The following MYBBP1A variants were observed in gnomAD, a reference collection of about 807,000 sequenced individuals.
MYBBP1A encodes myb-binding protein 1A.
MYBBP1A carries 147 observed loss-of-function variants against 136.3 expected under a neutral mutation model. The observed-to-expected ratio is 1.08, with a 90% CI of 0.94 to 1.24. The LOEUF (loss-of-function observed/expected upper bound fraction) is 1.24, where lower values mean the gene tolerates loss of function less well. MYBBP1A is among the 50% of genes most tolerant of loss of function. MYBBP1A has a pLI of 0.00. For synonymous variants in MYBBP1A, 947 were observed against 735.8 expected (o/e 1.29, Z -4.65); for missense variants, 2,060 against 1,727.4 (o/e 1.19, Z -3.41).
intron 13 of MYBBP1A, 122 bp from the exon 14 acceptor site, chr17:4,546,064 C>CAGGG: frequency 2.4e-6 from 2 of 830,120 alleles, no homozygotes; most frequent in Non-Finnish European, 3.8e-6. Context: ...AGCCACTGGC[C>CAGGG]CGCCCTGGCC....
At chr17:4,553,461 C>T (rs1776384276) in intron 5 of MYBBP1A, among the ~76,000 whole-genome samples, 1 of 152,236 alleles carries the variant, frequency 6.6e-6, no homozygotes, top group Non-Finnish European at 1.5e-5. Context: ...CCACACAGGG[C>T]TGCTGAGCGC....
intron 24 of MYBBP1A, among the ~76,000 whole-genome samples, chr17:4,540,804 A>C (rs1906343349): frequency 6.6e-6 from 1 of 151,944 alleles, no homozygotes; most frequent in Non-Finnish European, 1.5e-5. Flanking sequence ...CGGGGCTGCC[A>C]AAGCGCTTCC....
chr17:4,540,536 C>T (rs773699611), intron 24 of MYBBP1A, 52 bp from the exon 25 acceptor site: 25 of 1,520,650 alleles, frequency 1.6e-5, no homozygotes, highest in African/African-American at 6.8e-5. Flanking sequence ...CGGGGCCTCT[C>T]GCGGGCTCCC....
rs1906078513 is a variant in MYBBP1A, at chr17:4,539,084, G to A, written c.*331C>T. ...AAAAAAGCCTGGGGGCAAAGAGGTG[G>A]CAGGCACGAGAGATGGTCACACCTG... On this transcript the variant is annotated 3_prime_UTR_variant, in exon 26 of 26. Coordinates refer to ENST00000254718, the MANE Select transcript of MYBBP1A (RefSeq NM_014520.4). 3 of 1,432,752 alleles carry A rather than the reference G, an allele frequency of 2.1e-6. No individual in the cohort carries two copies. In the Admixed American group the frequency reaches 5.4e-5, roughly 26 times the overall value. 88.8% of individuals were successfully genotyped at this position (1,432,752 alleles called of 1,614,324 possible).
intron 20 of MYBBP1A, 64 bp downstream of exon 20, chr17:4,542,849 G>T: frequency 6.2e-7 from 1 of 1,604,940 alleles, no homozygotes; most frequent in Non-Finnish European, 8.5e-7. Context: ...CCCTGGGGAA[G>T]TCCCGGCCTC....
rs1267909328 is a variant in MYBBP1A at position 4,549,417 on chromosome 17, TCAGCCGGAACA to T, written c.1334_1344del (p.Val445GlufsTer25). Reference sequence around the variant, plus strand: ...ACCAATCGAAAGATGATCCATTTCCTCAGCCGGAACACAGCTCGCTCAGGCCTAGCGGGGCA... The same window carrying T: ...ACCAATCGAAAGATGATCCATTTCCTCAGCTCGCTCAGGCCTAGCGGGGCA... On this transcript the variant is annotated frameshift_variant, in exon 10 of 26. Transcript: ENST00000254718. LOFTEE classifies it high-confidence loss of function. The T allele has an allele frequency of 1.9e-6, 3 of 1,613,140 alleles. No individual in the cohort carries two copies. The South Asian group carries it at 3.3e-5, about 18-fold the overall frequency.
chr17:4,546,876 T>C (rs1172794901), intron 13 of MYBBP1A, among the ~76,000 whole-genome samples: 1 of 151,424 alleles, frequency 6.6e-6, no homozygotes, highest in Non-Finnish European at 1.5e-5. Context: ...CCAGGCTGTG[T>C]GCCCAAGCAG....
intron 3 of MYBBP1A, 37 bp downstream of exon 3, chr17:4,554,158 C>A: frequency 1.2e-6 from 2 of 1,612,490 alleles, no homozygotes; most frequent in Non-Finnish European, 1.7e-6. Context: ...AAGCCTCCCA[C>A]CCCTGGGGCT....
At chr17:4,553,113 T>C (rs1907683013) in intron 5 of MYBBP1A, among the ~76,000 whole-genome samples, 1 of 152,188 alleles carries the variant, frequency 6.6e-6, no homozygotes, top group Non-Finnish European at 1.5e-5. Flanking sequence ...TGAGCCACCA[T>C]GCCCGGTCAA....
At chr17:4,544,362 C>T (rs1009127695) in intron 19 of MYBBP1A, 127 bp downstream of exon 19, 62 of 1,268,000 alleles carry the variant, frequency 4.9e-5, no homozygotes, top group Non-Finnish European at 5.9e-5. Context: ...AGTGAGCCTG[C>T]GAGCTAGGGG....
chr17:4,539,344 T>TTAAAAA lies in MYBBP1A; in HGVS notation c.*70_*71insTTTTTA, dbSNP rs1175919027. 2.9e-6 allele frequency: 4 copies of TTAAAAA among 1,401,720 alleles called. No individual in the cohort carries two copies. Among genetic ancestry groups the TTAAAAA allele is most frequent in the Non-Finnish European group, 3.8e-6 (4 of 1,065,146 alleles). 86.8% of individuals were successfully genotyped at this position (1,401,720 alleles called of 1,614,324 possible). A position where few individuals can be genotyped will look rare whatever the true frequency, so the allele number is the denominator to read the frequency against. On this transcript the variant is annotated 3_prime_UTR_variant, in exon 26 of 26. Transcript: ENST00000254718. ...CAGCTTGCGTATTAAAATCATGGTTTAAAAAAAAAAAAAAAAAATAGGCGT... is the reference window on the plus strand; with the variant it reads ...CAGCTTGCGTATTAAAATCATGGTTTTAAAAAAAAAAAAAAAAAAAAAAATAGGCGT...
intron 15 of MYBBP1A, 127 bp from the exon 16 acceptor site, chr17:4,545,472 G>C: frequency 6.7e-7 from 1 of 1,499,302 alleles, no homozygotes; most frequent in Admixed American, 2.1e-5. Flanking sequence ...GGCCAGGCCA[G>C]GCCAAGGCCT....
At chr17:4,540,553 C>T (rs2144417137) in intron 24 of MYBBP1A, 69 bp from the exon 25 acceptor site, 1 of 1,468,672 alleles carries the variant, frequency 6.8e-7, no homozygotes. Flanking sequence ...TCCCAGTCTT[C>T]CCACCTCTGC....
At chr17:4,544,726 G>T (rs370627191) in intron 18 of MYBBP1A, 25 bp downstream of exon 18, 1 of 1,514,810 alleles carries the variant, frequency 6.6e-7, no homozygotes, top group Non-Finnish European at 8.9e-7. Context: ...AGGCGGGGGT[G>T]GGTGCGGCCC....
At chr17:4,549,072 G>A (rs888285825) in intron 10 of MYBBP1A, among the ~76,000 whole-genome samples, 2 of 152,208 alleles carry the variant, frequency 1.3e-5, no homozygotes, top group African/African-American at 4.8e-5. Context: ...AGGCTTCCCT[G>A]ACACCTCCCA....
chr17:4,551,182 C>T (rs994720347), intron 8 of MYBBP1A, among the ~76,000 whole-genome samples: 7 of 152,230 alleles, frequency 4.6e-5, no homozygotes, highest in African/African-American at 1.7e-4. Context: ...CAAGTCTCCC[C>T]CTCACCCAGA....
chr17:4,554,367 A>G (rs1325607029), intron 2 of MYBBP1A, 89 bp from the exon 3 acceptor site: 20 of 1,154,424 alleles, frequency 1.7e-5, no homozygotes, highest in South Asian at 2.8e-5. Context: ...TCCCCCTTCA[A>G]CTTCTCCCAA....
rs771810877 is a variant in MYBBP1A at position 4,539,896 on chromosome 17, C to T, written c.3506G>A (p.Arg1169Gln). The T allele has an allele frequency of 7.5e-5, 120 of 1,601,380 alleles. No individual in the cohort carries two copies. The highest frequency in any genetic ancestry group is 9.5e-5 in the Non-Finnish European group (112 of 1,179,950). The change falls in exon 26 of 26, where the codon CGG becomes CAG. Residue 1169 changes from arginine (R) to glutamine (Q), a missense_variant. Arg to Gln is a conservative substitution (Grantham distance 43). Transcript: ENST00000254718. ...CTCTGGCAAGAATCCCTTTTTCTTC[C>T]GCTTCTTACTGATGGGGCTCTGGGT... ...SATQSPISKK[R>Q]KKKGFLPETK...
intron 13 of MYBBP1A, 125 bp from the exon 14 acceptor site, chr17:4,546,067 C>T: frequency 1.2e-6 from 1 of 809,096 alleles, no homozygotes; most frequent in South Asian, 1.6e-5. Flanking sequence ...CACTGGCCCG[C>T]CCTGGCCAGT....
Sources: allele counts gnomAD v4.1 joint callset (sites outside exome capture counted in the v4.1 genomes callset), GRCh38; gene constraint gnomAD v4.1.1; transcripts MANE v1.5; gene names NCBI Gene and HGNC (gene_info 2026-07-23, HGNC 2026-07-21).